Variants in TFAP2E observed in about 807,000 individuals in gnomAD.
The protein encoded by TFAP2E is transcription factor AP-2 epsilon, also known as transcription factor AP-2-epsilon.
A neutral mutation model predicts 37.9 loss-of-function variants in TFAP2E; 30 were observed. That is an observed-to-expected ratio of 0.79 (90% CI 0.59 to 1.07). The LOEUF (loss-of-function observed/expected upper bound fraction) is 1.07. TFAP2E is among the 50% of genes least tolerant of loss of function. TFAP2E has a pLI of 0.00. For missense variants in TFAP2E, 567 were observed against 637.9 expected (o/e 0.89, Z 1.20); for synonymous variants, 318 against 295.8 (o/e 1.08, Z -0.77).
chr1:35,574,154 C>A lies in TFAP2E; in HGVS notation c.255C>A (p.Gly85=), dbSNP rs970765965. The A allele has an allele frequency of 2.4e-5, 35 of 1,434,596 alleles. No individual in the cohort carries two copies. The Admixed American group carries it at 5.6e-4, about 23-fold the overall frequency. 88.9% of individuals were successfully genotyped at this position (1,434,596 alleles called of 1,614,324 possible). The change falls in exon 2 of 7, where the codon GGC becomes GGA. Residue 85 remains glycine (G), a synonymous_variant. Coordinates refer to ENST00000373235, the MANE Select transcript of TFAP2E (RefSeq NM_178548.4). ...CCCACCTGGCAGGGGACCCATATGG[C>A]GGCCTGGCGCCCCTGGCGCAGCCGC... The part of the protein sequence containing the change: ...AFPHLAGDPY[G]GLAPLAQPQP...
Position 35,577,462 on chromosome 1 carries a change from G to T in TFAP2E, c.562+2462G>T. The T allele has an allele frequency of 2.2e-6, 1 of 456,780 alleles. No homozygotes were observed. Among genetic ancestry groups the T allele is most frequent in the Non-Finnish European group, 4.4e-6 (1 of 226,980 alleles). 28.3% of individuals were successfully genotyped at this position (456,780 alleles called of 1,614,324 possible). On this transcript the variant is annotated intron_variant, in intron 3 of 6. Coordinates refer to ENST00000373235, the MANE Select transcript of TFAP2E (RefSeq NM_178548.4). This position sits in a 1 kb window ranked among gnomAD's most constrained non-coding sequence, Gnocchi z 6.3. The stretch of plus-strand genomic sequence containing the variant: ...CCCACAGACCTTCGGCCTCCGCCGA[G>T]TGCGGTACTGGAGCCTGCCCCGCCA...
intron 3 of TFAP2E, among the ~76,000 whole-genome samples, chr1:35,586,422 C>G (rs1266557608): frequency 2.0e-5 from 3 of 152,072 alleles, no homozygotes; most frequent in Non-Finnish European, 4.4e-5. Context: ...TGACCGGGCT[C>G]TGATGAGTTT....
chr1:35,573,617 G>C lies in TFAP2E; in HGVS notation c.27+13G>C, dbSNP rs566139197. On this transcript the variant is annotated intron_variant, in intron 1 of 6. Coordinates refer to ENST00000373235, the MANE Select transcript of TFAP2E (RefSeq NM_178548.4). The surrounding 1 kb of genome is among the most constrained non-coding windows in gnomAD (Gnocchi z 5.9). ...CTACTCCGCCATGGTGAGTAGTCTC[G>C]GGCCCGGGACATATTCGGCCGGGGG... 4.5e-6 allele frequency: 7 copies of C among 1,539,266 alleles called. No homozygotes were observed. In the Admixed American group the frequency reaches 8.0e-5, roughly 17 times the overall value.
intron 3 of TFAP2E, among the ~76,000 whole-genome samples, chr1:35,578,684 G>A (rs1649254622): frequency 6.6e-6 from 1 of 152,140 alleles, no homozygotes; most frequent in Admixed American, 6.5e-5. Context: ...GGAGGAGGGA[G>A]CTGGGGAGGG....
rs767395613 is a variant in TFAP2E at position 35,588,453 on chromosome 1, G to C, written c.686G>C (p.Ser229Thr). 1.4e-5 allele frequency: 22 copies of C among 1,610,824 alleles called. No individual in the cohort carries two copies. The highest frequency in any genetic ancestry group is 1.8e-5 in the Non-Finnish European group (21 of 1,179,880). The change falls in exon 4 of 7, where the codon AGC becomes ACC. Residue 229 changes from serine to threonine, a missense_variant. Around this residue, in one of 3 missense-constraint regions of TFAP2E, gnomAD observed 252 missense variants for 302.6 expected, o/e 0.83. Transcript: ENST00000373235. This position sits in a 1 kb window ranked among gnomAD's most constrained non-coding sequence, Gnocchi z 5.1. ...GTGCCCGGCCGGCTTTCACTGCTCA[G>C]CTCAACGTCCAAGTACAAGGTGACG... ...CSVPGRLSLL[S>T]STSKYKVTVG...
chr1:35,588,209 C>A lies in TFAP2E; in HGVS notation c.563-121C>A. 4.1e-6 allele frequency: 4 copies of A among 974,102 alleles called. No individual in the cohort carries two copies. The highest frequency in any genetic ancestry group is 1.8e-5 in the South Asian group (1 of 56,048). The allele number at this position is 974,102 out of a possible 1,614,324, so 60.3% of individuals were successfully genotyped here. ...CATCCATCAGTTGAGGGAACTTGGG[C>A]GAGTCACTTTCACCTCACTGTGGCT... On this transcript the variant is annotated intron_variant, in intron 3 of 6. Coordinates refer to ENST00000373235, the MANE Select transcript of TFAP2E (RefSeq NM_178548.4). The surrounding 1 kb of genome is among the most constrained non-coding windows in gnomAD (Gnocchi z 5.1).
intron 6 of TFAP2E, among the ~76,000 whole-genome samples, chr1:35,591,192 G>A (rs1412736921): frequency 6.6e-6 from 1 of 152,136 alleles, no homozygotes; most frequent in Non-Finnish European, 1.5e-5. Flanking sequence ...TTATCACTCA[G>A]ACATACATGA....
intron 3 of TFAP2E, among the ~76,000 whole-genome samples, chr1:35,584,095 A>G (rs1296732235): frequency 6.6e-6 from 1 of 152,144 alleles, no homozygotes; most frequent in East Asian, 1.9e-4. Context: ...GTTCTTGTAT[A>G]CAGTCATCCT....
chr1:35,588,041 C>CCTTAT lies in TFAP2E; in HGVS notation c.563-289_563-288insCTTAT, dbSNP rs1649535283. ...CCTCCAGCTCACACTCATATCCTTACATCCAGGTCCCTCTCTGATGGCATC... is the reference window on the plus strand; with the variant it reads ...CCTCCAGCTCACACTCATATCCTTACCTTATATCCAGGTCCCTCTCTGATGGCATC... On this transcript the variant is annotated intron_variant, in intron 3 of 6. Coordinates refer to ENST00000373235, the MANE Select transcript of TFAP2E (RefSeq NM_178548.4). The surrounding 1 kb of genome is among the most constrained non-coding windows in gnomAD (Gnocchi z 5.1). 1.3e-5 allele frequency among the ~76,000 whole-genome samples: 2 copies of CCTTAT among 152,062 alleles called. No homozygotes were observed. The highest frequency in any genetic ancestry group is 2.9e-5 in the Non-Finnish European group (2 of 67,968).
intron 3 of TFAP2E, among the ~76,000 whole-genome samples, chr1:35,578,958 C>T (rs1056572168): frequency 4.0e-5 from 6 of 150,644 alleles, no homozygotes; most frequent in Non-Finnish European, 7.4e-5. Flanking sequence ...TGGCGCTAGC[C>T]TGTAATCCCA....
intron 3 of TFAP2E, among the ~76,000 whole-genome samples, chr1:35,584,697 C>T (rs532869530): frequency 1.5e-4 from 22 of 151,696 alleles, no homozygotes; most frequent in South Asian, 6.3e-4. Flanking sequence ...GCAATCACGC[C>T]GGGCTAATTT....
intron 6 of TFAP2E, 48 bp from the exon 7 acceptor site, chr1:35,594,345 TG>T (rs1324912390): frequency 1.3e-6 from 2 of 1,591,396 alleles, no homozygotes; most frequent in Non-Finnish European, 1.7e-6. Flanking sequence ...GGTCCTTCTC[TG>T]GGCTCAGACT....
At position 35,588,537 on chromosome 1, in the gene TFAP2E, G is replaced by T. The variant is rs1442433983; in HGVS notation, c.770G>T (p.Gly257Val). 2 of 1,588,938 alleles carry T rather than the reference G, an allele frequency of 1.3e-6. No individual in the cohort carries two copies. Among genetic ancestry groups the T allele is most frequent in the Non-Finnish European group, 8.6e-7 (1 of 1,165,760 alleles). Residue 257 changes from glycine to valine, a missense_variant, in exon 4 of 7, where the codon GGG becomes GTG. Physicochemically the swap from Gly to Val is moderately radical, Grantham distance 109. Around this residue, in one of 3 missense-constraint regions of TFAP2E, gnomAD observed 252 missense variants for 302.6 expected, o/e 0.83. Transcript: ENST00000373235. This position sits in a 1 kb window ranked among gnomAD's most constrained non-coding sequence, Gnocchi z 5.1. ...PPECLNASLL[G>V]GVLRRAKSKN... The stretch of plus-strand genomic sequence containing the variant: ...GAGTGCCTCAACGCCTCCCTCCTGG[G>T]GGGTGTCCTCCGCAGGTAGGAAGGC...
chr1:35,590,535 G>A lies in TFAP2E; in HGVS notation c.905-99G>A. On this transcript the variant is annotated intron_variant, in intron 5 of 6. Coordinates refer to ENST00000373235, the MANE Select transcript of TFAP2E (RefSeq NM_178548.4). The surrounding 1 kb of genome is among the most constrained non-coding windows in gnomAD (Gnocchi z 6.2). ...TCAGAGGGGGCATCTACACAGGCAG[G>A]ATGGGGCAGGATACCCCTGACCAGG... 7.4e-7 allele frequency: 1 copy of A among 1,351,038 alleles called. No individual in the cohort carries two copies. The highest frequency in any genetic ancestry group is 2.0e-5 in the South Asian group (1 of 49,768). The allele number at this position is 1,351,038 out of a possible 1,614,324, so 83.7% of individuals were successfully genotyped here.
At position 35,573,566 on chromosome 1, in the gene TFAP2E, A is replaced by C. The variant is rs1287969764; in HGVS notation, c.-12A>C. On this transcript the variant is annotated 5_prime_UTR_variant, in exon 1 of 7. Transcript: ENST00000373235. This position sits in a 1 kb window ranked among gnomAD's most constrained non-coding sequence, Gnocchi z 5.9. ...GCCGCCGCCACGCCTCGCGCCCGGC[A>C]CTCACCGCCCCATGCTGGTGCACAC... The C allele has an allele frequency of 3.3e-6, 5 of 1,525,210 alleles. No homozygotes were observed. The African/African-American group carries it at 7.2e-5, about 22-fold the overall frequency. The allele number at this position is 1,525,210 out of a possible 1,614,324, so 94.5% of individuals were successfully genotyped here. A position where few individuals can be genotyped will look rare whatever the true frequency, so the allele number is the denominator to read the frequency against.
At chr1:35,593,525 C>CT (rs1189050251) in intron 6 of TFAP2E, among the ~76,000 whole-genome samples, 1 of 152,194 alleles carries the variant, frequency 6.6e-6, no homozygotes, top group Non-Finnish European at 1.5e-5. Flanking sequence ...ACCCTCCTGC[C>CT]TTTGAGGCTT....
In TFAP2E at chr1:35,574,221, C is replaced by T; in HGVS notation, c.322C>T (p.Arg108Cys). The T allele has an allele frequency of 2.4e-6, 3 of 1,240,626 alleles. No individual in the cohort carries two copies. Among genetic ancestry groups the T allele is most frequent in the Admixed American group, 4.6e-5 (1 of 21,574 alleles). 76.9% of individuals were successfully genotyped at this position (1,240,626 alleles called of 1,614,324 possible). A position where few individuals can be genotyped will look rare whatever the true frequency, so the allele number is the denominator to read the frequency against. The change falls in exon 2 of 7, where the codon CGC becomes TGC. Residue 108 changes from arginine to cysteine, a missense_variant. Coordinates refer to ENST00000373235, the MANE Select transcript of TFAP2E (RefSeq NM_178548.4). Reference sequence around the variant, plus strand: ...CTGGGCCGCGCCCCGCGCAGCCGCCCGCGCCCACGAGGAGCCTCCCGGCCT... The same window carrying T: ...CTGGGCCGCGCCCCGCGCAGCCGCCTGCGCCCACGAGGAGCCTCCCGGCCT... The part of the protein sequence containing the change: ...AAWAAPRAAA[R>C]AHEEPPGLLA...
At chr1:35,580,361 G>A (rs746635263) in intron 3 of TFAP2E, among the ~76,000 whole-genome samples, 15 of 152,118 alleles carry the variant, frequency 9.9e-5, no homozygotes, top group African/African-American at 1.4e-4. Flanking sequence ...TACTCCTCCC[G>A]TCTACCTTCC....
Position 35,594,749 on chromosome 1 carries a change from G to T in TFAP2E, c.*73G>T. On this transcript the variant is annotated 3_prime_UTR_variant, in exon 7 of 7. Transcript: ENST00000373235. ...GGACTTAGCTCTTGGGGGTGGGCCT[G>T]GAAGGACTGAAAGGTGGGATTAGAG... The T allele has an allele frequency of 4.4e-6, 7 of 1,593,596 alleles. No individual in the cohort carries two copies. The highest frequency in any genetic ancestry group is 4.3e-6 in the Non-Finnish European group (5 of 1,173,788).
Sources: gnomAD v4.1 joint callset for allele counts (sites outside exome capture counted in the v4.1 genomes callset) on GRCh38, gnomAD v4.1.1 for gene constraint, gnomAD v4.1.1 regional missense constraint, Gnocchi (gnomAD v3.1) non-coding constraint, MANE v1.5 for transcripts, NCBI Gene and HGNC (gene_info 2026-07-23, HGNC 2026-07-21) for gene names.